The following FOXN3 variants were observed in gnomAD, a reference collection of about 807,000 sequenced individuals.
FOXN3 encodes forkhead box protein N3.
Under a neutral mutation model 38.4 loss-of-function variants are expected in FOXN3, and 7 were observed. The ratio of observed to expected loss-of-function variants is 0.18; its 90% CI spans 0.10 to 0.34. FOXN3 has a LOEUF of 0.34. FOXN3 is among the 10% of genes least tolerant of loss of function. The pLI, the probability that FOXN3 is intolerant of heterozygous loss-of-function variation, is 1.00. For missense variants in FOXN3, 456 were observed against 613.4 expected, an observed-to-expected ratio of 0.74 and a Z score of 2.71; for synonymous variants, 230 against 242.2, an observed-to-expected ratio of 0.95 and a Z score of 0.47.
chr14:89,562,953 T>G (rs1278813148), intron 1 of FOXN3, among the ~76,000 whole-genome samples: 1 of 152,190 alleles, frequency 6.6e-6, no homozygotes, highest in Non-Finnish European at 1.5e-5. Flanking sequence ...AGTGAGAATT[T>G]TAATGTCTTG....
intron 1 of FOXN3, among the ~76,000 whole-genome samples, chr14:89,423,068 G>C (rs2140107904): frequency 6.6e-6 from 1 of 152,330 alleles, no homozygotes; most frequent in South Asian, 2.1e-4. Flanking sequence ...ACCCAGTGAA[G>C]AGTGGAGGGG....
At position 89,162,364 on chromosome 14, in the gene FOXN3, C is replaced by T; in HGVS notation, c.*50G>A. 2 of 1,432,752 alleles carry T rather than the reference C, an allele frequency of 1.4e-6. No homozygotes were observed. The highest frequency in any genetic ancestry group is 1.9e-6 in the Non-Finnish European group (2 of 1,070,684). The allele number at this position is 1,432,752 out of a possible 1,614,324, so 88.8% of individuals were successfully genotyped here. A position where few individuals can be genotyped will look rare whatever the true frequency, so the allele number is the denominator to read the frequency against. On this transcript the variant is annotated 3_prime_UTR_variant, in exon 6 of 6. Coordinates refer to ENST00000557258, the MANE Select transcript of FOXN3 (RefSeq NM_005197.4). This position sits in a 1 kb window ranked among gnomAD's most constrained non-coding sequence, Gnocchi z 7.2. ...CCACAAATCATTAGAAATCTCCTGA[C>T]ATGCTGAAACCAAATGGTCGTAAGT...
intron 1 of FOXN3, among the ~76,000 whole-genome samples, chr14:89,602,395 G>T (rs937222560): frequency 1.5e-4 from 23 of 152,094 alleles, no homozygotes; most frequent in African/African-American, 5.6e-4. Flanking sequence ...ATGTCAGCAG[G>T]TATCTCCCTA....
At chr14:89,399,621 G>A (rs951524784) in intron 2 of FOXN3, among the ~76,000 whole-genome samples, 9 of 152,174 alleles carry the variant, frequency 5.9e-5, no homozygotes, top group African/African-American at 2.2e-4. Flanking sequence ...ATTCTGCCAG[G>A]AGATCCCTCT....
intron 1 of FOXN3, among the ~76,000 whole-genome samples, chr14:89,555,882 G>GGGGGGGGTGT (rs1895112250): frequency 2.9e-5 from 3 of 104,598 alleles, no homozygotes; most frequent in Non-Finnish European, 6.1e-5. Context: ...TGTGTATGTG[G>GGGGGGGGTGT]GGGTGTATGT....
intron 1 of FOXN3, among the ~76,000 whole-genome samples, chr14:89,460,167 C>T (rs10498621): frequency 0.16 from 23,966 of 152,204 alleles, 2,272 homozygotes; most frequent in Middle Eastern, 0.24. Context: ...ATCCTAGTTA[C>T]ACCATTTTTT....
chr14:89,360,752 C>CACCACCACCTCCACCACT (rs1566966400), intron 2 of FOXN3, among the ~76,000 whole-genome samples: 7 of 119,920 alleles, frequency 5.8e-5, no homozygotes, highest in African/African-American at 1.8e-4. Context: ...CCACCTCCAC[C>CACCACCACCTCCACCACT]ACCACCTCCA....
At chr14:89,306,253 C>A (rs922574438) in intron 3 of FOXN3, among the ~76,000 whole-genome samples, 5 of 152,066 alleles carry the variant, frequency 3.3e-5, no homozygotes, top group Non-Finnish European at 7.4e-5. Context: ...GTCTAGAGAC[C>A]CTGCTTCATC....
chr14:89,477,322 G>A (rs1893231645), intron 1 of FOXN3, among the ~76,000 whole-genome samples: 1 of 152,080 alleles, frequency 6.6e-6, no homozygotes, highest in Non-Finnish European at 1.5e-5. Flanking sequence ...CCTTTCACTT[G>A]AGAATGTTTT....
At chr14:89,602,536 G>A (rs891402915) in intron 1 of FOXN3, among the ~76,000 whole-genome samples, 7 of 150,474 alleles carry the variant, frequency 4.7e-5, no homozygotes, top group Middle Eastern at 3.5e-3. Context: ...TCGCTCTGTC[G>A]CCCAGGCTGG....
chr14:89,327,070 A>C (rs1888104379), intron 3 of FOXN3, among the ~76,000 whole-genome samples: 1 of 109,892 alleles, frequency 9.1e-6, no homozygotes, highest in Non-Finnish European at 2.1e-5. Flanking sequence ...TCCAATTCTG[A>C]AAGAGAAAAA....
At chr14:89,439,936 G>A (rs1479416194) in intron 1 of FOXN3, among the ~76,000 whole-genome samples, 3 of 152,144 alleles carry the variant, frequency 2.0e-5, no homozygotes, top group African/African-American at 4.8e-5. Flanking sequence ...TTACAGGCGT[G>A]ACCCACCGCG....
At chr14:89,511,130 T>C (rs1241876992) in intron 1 of FOXN3, among the ~76,000 whole-genome samples, 2 of 35,598 alleles carry the variant, frequency 5.6e-5, no homozygotes, top group Non-Finnish European at 1.2e-4. Context: ...GTGTCTTTCT[T>C]TCTTTCTTTC....
At chr14:89,488,083 CTCT>C (rs970783704) in intron 1 of FOXN3, among the ~76,000 whole-genome samples, 2 of 148,838 alleles carry the variant, frequency 1.3e-5, no homozygotes, top group South Asian at 2.1e-4. Context: ...GAGCTAGGGG[CTCT>C]TCTTTTTTTT....
chr14:89,456,254 C>T (rs913577672), intron 1 of FOXN3, among the ~76,000 whole-genome samples: 8 of 150,494 alleles, frequency 5.3e-5, no homozygotes, highest in African/African-American at 1.2e-4. Flanking sequence ...AGGTTCAAGG[C>T]TTTCATATTA....
In FOXN3 at chr14:89,163,982, T is replaced by G. The variant is rs1286733160; in HGVS notation, c.852-1013A>C. On this transcript the variant is annotated intron_variant, in intron 5 of 5. Coordinates refer to ENST00000557258, the MANE Select transcript of FOXN3 (RefSeq NM_005197.4). This position sits in a 1 kb window ranked among gnomAD's most constrained non-coding sequence, Gnocchi z 4.3. ...ACACCTCTGATTATTTCTTTGTGTC[T>G]TTACATCTGAGCGATGTACTTTCCT... Among the ~76,000 whole-genome samples, 1 of 152,236 alleles carries G rather than the reference T, an allele frequency of 6.6e-6. No individual in the cohort carries two copies. The highest frequency in any genetic ancestry group is 2.4e-5 in the African/African-American group (1 of 41,456).
intron 1 of FOXN3, among the ~76,000 whole-genome samples, chr14:89,616,756 A>G (rs1047551409): frequency 2.0e-5 from 3 of 152,242 alleles, no homozygotes; most frequent in Non-Finnish European, 4.4e-5. Context: ...GTTCAAATAC[A>G]TTGTTCTTAG....
At chr14:89,234,532 T>C (rs1336754501) in intron 4 of FOXN3, among the ~76,000 whole-genome samples, 1 of 152,062 alleles carries the variant, frequency 6.6e-6, no homozygotes, top group African/African-American at 2.4e-5. Flanking sequence ...CCCTCATGAA[T>C]GGTTGAACAC....
intron 1 of FOXN3, among the ~76,000 whole-genome samples, chr14:89,564,002 A>G (rs371482922): frequency 7.2e-4 from 110 of 152,218 alleles, no homozygotes; most frequent in African/African-American, 2.5e-3. Flanking sequence ...GGCGCCTGCC[A>G]CCACATCCAG....
Sources: allele counts gnomAD v4.1 joint callset (sites outside exome capture counted in the v4.1 genomes callset), GRCh38; gene constraint gnomAD v4.1.1; non-coding constraint Gnocchi (gnomAD v3.1); transcripts MANE v1.5; gene names NCBI Gene and HGNC (gene_info 2026-07-23, HGNC 2026-07-21).